PRKACA: variants seen among roughly 807,000 people sequenced by gnomAD.
PRKACA encodes cAMP-dependent protein kinase catalytic subunit alpha.
Under a neutral mutation model 45.8 loss-of-function variants are expected in PRKACA, and 9 were observed. That is an observed-to-expected ratio of 0.20 (90% confidence interval 0.12 to 0.34). The LOEUF (loss-of-function observed/expected upper bound fraction) is 0.34. PRKACA is among the 10% of genes least tolerant of loss of function. The pLI is 1.00. For missense variants in PRKACA, 238 were observed against 458.6 expected, an observed-to-expected ratio of 0.52 and a Z score of 4.39; for synonymous variants, 160 against 178.6, an observed-to-expected ratio of 0.90 and a Z score of 0.83.
intron 8 of PRKACA, chr19:14,096,702 C>T (rs1484506108): frequency 1.2e-5 from 2 of 162,132 alleles, no homozygotes; most frequent in African/African-American, 2.4e-5. Context: ...CAATGATTGC[C>T]TACGGTGATT....
Position 14,097,271 on chromosome 19 carries a change from G to C in PRKACA, c.765+90C>G. ...ACTTAAGGAACTTCTAGATTATTCT[G>C]ACAACAAGCAGGGCTCCCCAGGGAA... is the stretch of plus-strand genomic sequence containing the variant. On this transcript the variant is annotated intron_variant, in intron 8 of 9. Transcript: ENST00000308677. This position sits in a 1 kb window ranked among gnomAD's most constrained non-coding sequence, Gnocchi z 5.4. The C allele has an allele frequency of 6.3e-7, 1 of 1,590,938 alleles. No homozygotes were observed. Among genetic ancestry groups the C allele is most frequent in the East Asian group, 2.2e-5 (1 of 44,634 alleles).
chr19:14,102,510 T>TG (rs1217767173), intron 4 of PRKACA, among the ~76,000 whole-genome samples: 1 of 152,190 alleles, frequency 6.6e-6, no homozygotes, highest in Non-Finnish European at 1.5e-5. Context: ...CCCGGCTGCC[T>TG]GGGGCAGAGT....
At chr19:14,107,231 G>T in intron 2 of PRKACA, 117 bp downstream of exon 2, 1 of 1,123,202 alleles carries the variant, frequency 8.9e-7, no homozygotes, top group Non-Finnish European at 1.3e-6. Context: ...GAGCAAATGG[G>T]GAGGGTCTGA....
At position 14,097,333 on chromosome 19, in the gene PRKACA, G is replaced by C. The variant is rs746306526; in HGVS notation, c.765+28C>G. On this transcript the variant is annotated intron_variant, in intron 8 of 9. Transcript: ENST00000308677. This position sits in a 1 kb window ranked among gnomAD's most constrained non-coding sequence, Gnocchi z 5.4. ...AGCAGGGAACGGTCTGTTTCTTCCA[G>C]GGCTGTGTCCCCACATCCGGACCTC... 9.3e-6 allele frequency: 15 copies of C among 1,613,794 alleles called. No individual in the cohort carries two copies. The African/African-American group carries it at 1.7e-4, about 19-fold the overall frequency.
At chr19:14,106,163 AAC>A (rs1017600498) in intron 3 of PRKACA, among the ~76,000 whole-genome samples, 2 of 151,980 alleles carry the variant, frequency 1.3e-5, no homozygotes, top group Non-Finnish European at 2.9e-5. Flanking sequence ...CAGCCTGGGC[AAC>A]ACAGCAAGAC....
At position 14,109,999 on chromosome 19, in the gene PRKACA, T is replaced by TATATATATAC. The variant is rs1555774928; in HGVS notation, c.47-2591_47-2590insGTATATATAT. On this transcript the variant is annotated intron_variant, in intron 1 of 9. Transcript: ENST00000308677. ...ATATATATATATATATATATATATA[T>TATATATATAC]ACACACACACACACACACACATAGG... Among the ~76,000 whole-genome samples the TATATATATAC allele has an allele frequency of 6.3e-4, 35 of 55,460 alleles. 1 individual carries two copies. The highest frequency in any genetic ancestry group is 1.6e-3 in the East Asian group (3 of 1,858). The allele number at this position is 55,460 out of a possible 152,430, so 36.4% of individuals were successfully genotyped here. A position where few individuals can be genotyped will look rare whatever the true frequency, so the allele number is the denominator to read the frequency against.
chr19:14,099,746 A>C (rs1450466666), intron 5 of PRKACA, among the ~76,000 whole-genome samples: 1 of 151,716 alleles, frequency 6.6e-6, no homozygotes, highest in Non-Finnish European at 1.5e-5. Context: ...TTAAACTTAC[A>C]AATTTCTGTA....
At chr19:14,113,212 G>A (rs1488269134) in intron 1 of PRKACA, among the ~76,000 whole-genome samples, 3 of 152,070 alleles carry the variant, frequency 2.0e-5, no homozygotes, top group Non-Finnish European at 2.9e-5. Context: ...ACCCAGGGGT[G>A]GGGGAGGGGG....
In PRKACA at chr19:14,092,392, C is replaced by T; in HGVS notation, c.*720G>A. ...CGCAGGATTGGCAGAGAGGATTCCC[C>T]GGGGAGGGGCCCAGGGGAGATTAGC... On this transcript the variant is annotated 3_prime_UTR_variant, in exon 10 of 10. Transcript: ENST00000308677. 2.7e-6 allele frequency: 1 copy of T among 373,924 alleles called. No homozygotes were observed. Among genetic ancestry groups the T allele is most frequent in the Admixed American group, 4.6e-5 (1 of 21,786 alleles). The allele number at this position is 373,924 out of a possible 1,614,324, so 23.2% of individuals were successfully genotyped here. A position where few individuals can be genotyped will look rare whatever the true frequency, so the allele number is the denominator to read the frequency against.
At position 14,097,021 on chromosome 19, in the gene PRKACA, T is replaced by C. The variant is rs1394313000; in HGVS notation, c.765+340A>G. ...GGAACAGGAACCAAATACATTCGTT[T>C]TTCTGCCTTGGAATTTGCGAAAACT... On this transcript the variant is annotated intron_variant, in intron 8 of 9. Transcript: ENST00000308677. The surrounding 1 kb of genome is among the most constrained non-coding windows in gnomAD (Gnocchi z 5.4). The C allele has an allele frequency of 5.5e-6, 2 of 365,238 alleles. No individual in the cohort carries two copies. Among genetic ancestry groups the C allele is most frequent in the Admixed American group, 7.7e-5 (2 of 26,094 alleles). 22.6% of individuals were successfully genotyped at this position (365,238 alleles called of 1,614,324 possible).
chr19:14,097,684 C>T lies in PRKACA; in HGVS notation c.547-10G>A. 1.2e-6 allele frequency: 2 copies of T among 1,610,616 alleles called. No homozygotes were observed. Among genetic ancestry groups the T allele is most frequent in the Non-Finnish European group, 1.7e-6 (2 of 1,177,558 alleles). Reference sequence around the variant, plus strand: ...AACCGAAGTCTGTCACCTGTGGGCACAAGAACAGGCAGTTGGCAGGGAGGA... The same window carrying T: ...AACCGAAGTCTGTCACCTGTGGGCATAAGAACAGGCAGTTGGCAGGGAGGA... On this transcript the variant is annotated splice_polypyrimidine_tract_variant and intron_variant, in intron 6 of 9. Transcript: ENST00000308677. The surrounding 1 kb of genome is among the most constrained non-coding windows in gnomAD (Gnocchi z 5.4).
intron 3 of PRKACA, among the ~76,000 whole-genome samples, chr19:14,105,172 A>G (rs1395224636): frequency 6.6e-6 from 1 of 152,214 alleles, no homozygotes; most frequent in Non-Finnish European, 1.5e-5. Flanking sequence ...TTTCACATTG[A>G]TAATATATGG....
intron 3 of PRKACA, 76 bp from the exon 4 acceptor site, chr19:14,102,990 A>G: frequency 8.2e-7 from 1 of 1,217,418 alleles, no homozygotes; most frequent in Non-Finnish European, 1.2e-6. Flanking sequence ...GCCTGGAACT[A>G]GGGATGCCGG....
chr19:14,094,264 C>G (rs1977182807), intron 8 of PRKACA, among the ~76,000 whole-genome samples: 1 of 150,938 alleles, frequency 6.6e-6, no homozygotes, highest in Non-Finnish European at 1.5e-5. Flanking sequence ...TCTGGGCTCA[C>G]TGCAACCTCC....
rs1977104520 is a variant in PRKACA, at chr19:14,092,411, G to T, written c.*701C>A. The T allele has an allele frequency of 5.2e-6, 2 of 385,234 alleles. No individual in the cohort carries two copies. Among genetic ancestry groups the T allele is most frequent in the Non-Finnish European group, 9.2e-6 (2 of 218,046 alleles). 23.9% of individuals were successfully genotyped at this position (385,234 alleles called of 1,614,324 possible). On this transcript the variant is annotated 3_prime_UTR_variant, in exon 10 of 10. Transcript: ENST00000308677. The stretch of plus-strand genomic sequence containing the variant: ...ATTCCCCGGGGAGGGGCCCAGGGGA[G>T]ATTAGCAGCGGGGAGGTTCAAACCC...
intron 1 of PRKACA, among the ~76,000 whole-genome samples, chr19:14,108,710 A>C (rs921135063): frequency 9.9e-5 from 13 of 131,530 alleles, no homozygotes; most frequent in African/African-American, 3.8e-4. Flanking sequence ...ATGCCCGGCC[A>C]ATTTATTTTT....
intron 1 of PRKACA, chr19:14,107,751 A>C (rs1568536097): frequency 9.4e-7 from 1 of 1,062,662 alleles, no homozygotes; most frequent in Admixed American, 5.0e-5. Flanking sequence ...CGAGGTATTT[A>C]TAGCCTTGGG....
chr19:14,110,231 T>C (rs530539444), intron 1 of PRKACA, among the ~76,000 whole-genome samples: 2 of 151,538 alleles, frequency 1.3e-5, no homozygotes, highest in East Asian at 1.9e-4. Context: ...GGCAGGAAGA[T>C]TGCTTAAAGC....
chr19:14,101,001 T>A, intron 4 of PRKACA, 93 bp from the exon 5 acceptor site: 1 of 1,107,290 alleles, frequency 9.0e-7, no homozygotes. Context: ...GTTCAAACAT[T>A]AAATGACAAC....
Sources: gnomAD v4.1 joint callset for allele counts (sites outside exome capture counted in the v4.1 genomes callset) on GRCh38, gnomAD v4.1.1 for gene constraint, Gnocchi (gnomAD v3.1) non-coding constraint, MANE v1.5 for transcripts, NCBI Gene and HGNC (gene_info 2026-07-23, HGNC 2026-07-21) for gene names.